Variants in SACS observed in about 807,000 individuals in gnomAD.
The protein encoded by SACS is sacsin molecular chaperone.
In SACS, 197 loss-of-function variants were observed where a neutral mutation model predicts 348.0. That is an observed-to-expected ratio of 0.57 (90% confidence interval 0.50 to 0.64). SACS has a LOEUF of 0.64. SACS is among the 30% of genes least tolerant of loss of function. SACS has a pLI of 0.00. For missense variants in SACS, 4,999 were observed against 5,360.8 expected, an observed-to-expected ratio of 0.93 and a Z score of 2.11; for synonymous variants, 1,985 against 1,910.6, an observed-to-expected ratio of 1.04 and a Z score of -1.02.
chr13:23,335,775 G>A lies in SACS; in HGVS notation c.8101C>T (p.Pro2701Ser). 6.2e-7 allele frequency: 1 copy of A among 1,614,010 alleles called. No individual in the cohort carries two copies. The highest frequency in any genetic ancestry group is 8.5e-7 in the Non-Finnish European group (1 of 1,179,914). The change falls in exon 10 of 10, where the codon CCT becomes TCT. Residue 2701 changes from proline (P) to serine (S), a missense_variant. Pro to Ser is a moderately conservative substitution (Grantham distance 74). Coordinates refer to ENST00000382292, the MANE Select transcript of SACS (RefSeq NM_014363.6). The surrounding 1 kb of genome is among the most constrained non-coding windows in gnomAD (Gnocchi z 4.7). ...TTTGCCATTTCTGCATTACGAAGAG[G>A]AAATCTGAACATTGTGCAATTATCC... ...KLDNCTMFRF[P>S]LRNAEMAKVS...
At chr13:23,433,130 G>T (rs1215355610) in intron 1 of SACS, among the ~76,000 whole-genome samples, 3 of 152,126 alleles carry the variant, frequency 2.0e-5, no homozygotes, top group Non-Finnish European at 4.4e-5. Flanking sequence ...TGTTTAAAGT[G>T]AGAGCAATTC....
chr13:23,368,914 T>C (rs940580808), intron 4 of SACS, among the ~76,000 whole-genome samples: 2 of 152,134 alleles, frequency 1.3e-5, no homozygotes, highest in African/African-American at 4.8e-5. Flanking sequence ...TTAGCCAGGA[T>C]GGTCTTGATC....
chr13:23,418,440 T>C (rs960537341), intron 1 of SACS, among the ~76,000 whole-genome samples: 36 of 152,330 alleles, frequency 2.4e-4, no homozygotes, highest in African/African-American at 8.7e-4. Flanking sequence ...TAGACATATA[T>C]GTTTGTTTCC....
In SACS at chr13:23,337,366, T is replaced by G; in HGVS notation, c.6510A>C (p.Val2170=). ...CATGATCACTTTTATTAATTTCAGCTACTGACACTGCACGTTCTAGCATAT... is the reference window on the plus strand; with the variant it reads ...CATGATCACTTTTATTAATTTCAGCGACTGACACTGCACGTTCTAGCATAT... ...WDDMLERAVS[V]AEINKSDHVA... is the part of the protein sequence containing the mutation. The change falls in exon 10 of 10, where the codon GTA becomes GTC. Residue 2170 remains valine (V), a synonymous_variant. Coordinates refer to ENST00000382292, the MANE Select transcript of SACS (RefSeq NM_014363.6). 6.2e-7 allele frequency: 1 copy of G among 1,614,004 alleles called. No homozygotes were observed. The highest frequency in any genetic ancestry group is 8.5e-7 in the Non-Finnish European group (1 of 1,179,920).
At chr13:23,345,944 C>T (rs1279239042) in intron 9 of SACS, among the ~76,000 whole-genome samples, 1 of 152,062 alleles carries the variant, frequency 6.6e-6, no homozygotes, top group Non-Finnish European at 1.5e-5. Context: ...ACACACGAGG[C>T]ACTGTAAGAA....
rs1201743952 is a variant in SACS, at chr13:23,329,213, T to TA, written c.*922dup. On this transcript the variant is annotated 3_prime_UTR_variant, in exon 10 of 10. Coordinates refer to ENST00000382292, the MANE Select transcript of SACS (RefSeq NM_014363.6). ...TAACAATTTTTGATGTTTTTAAAGT[T>TA]AAAAAAACTCCACTACATGCCATAT... The TA allele has an allele frequency of 2.2e-5, 10 of 461,602 alleles. No homozygotes were observed. Among genetic ancestry groups the TA allele is most frequent in the South Asian group, 4.8e-5 (1 of 20,882 alleles). 28.6% of individuals were successfully genotyped at this position (461,602 alleles called of 1,614,324 possible).
chr13:23,398,470 G>C lies in SACS; in HGVS notation c.20+12750C>G, dbSNP rs559713448. Reference sequence around the variant, plus strand: ...AATTGCTTGAACCAAGGAGGCAAAGGTTGCAGTGAGCCGAGATGGCACCAT... The same window carrying C: ...AATTGCTTGAACCAAGGAGGCAAAGCTTGCAGTGAGCCGAGATGGCACCAT... On this transcript the variant is annotated intron_variant, in intron 2 of 9. Transcript: ENST00000382292. 5.8e-4 allele frequency among the ~76,000 whole-genome samples: 86 copies of C among 148,314 alleles called. No homozygotes were observed. The Middle Eastern group carries it at 0.011, about 19-fold the overall frequency.
chr13:23,336,822 C>T lies in SACS; in HGVS notation c.7054G>A (p.Ala2352Thr). 1.2e-6 allele frequency: 2 copies of T among 1,613,646 alleles called. No homozygotes were observed. Among genetic ancestry groups the T allele is most frequent in the Non-Finnish European group, 1.7e-6 (2 of 1,179,628 alleles). Residue 2352 changes from alanine to threonine, a missense_variant, in exon 10 of 10, where the codon GCA (alanine) becomes ACA (threonine). Around this residue, in one of 6 missense-constraint regions of SACS, gnomAD observed 3,156 missense variants for 3,380.1 expected, o/e 0.93. Coordinates refer to ENST00000382292, the MANE Select transcript of SACS (RefSeq NM_014363.6). ...GAAACCTTTTCTGAGTCAACATATGCATTCTCAACTAGAATGAAGCTAAAG... is the reference window on the plus strand; with the variant it reads ...GAAACCTTTTCTGAGTCAACATATGTATTCTCAACTAGAATGAAGCTAAAG... Reference protein sequence around the residue: ...KPFSFILVENAYVDSEKVSFH... With the variant: ...KPFSFILVENTYVDSEKVSFH...
intron 1 of SACS, among the ~76,000 whole-genome samples, chr13:23,429,526 C>T (rs577757808): frequency 6.6e-6 from 1 of 151,996 alleles, no homozygotes; most frequent in South Asian, 2.1e-4. Context: ...CCATGCCCGG[C>T]TAATTTTTTT....
intron 1 of SACS, among the ~76,000 whole-genome samples, chr13:23,420,799 G>A (rs1017443214): frequency 1.3e-5 from 2 of 151,928 alleles, no homozygotes; most frequent in Non-Finnish European, 2.9e-5. Flanking sequence ...TCCACCTGGG[G>A]AGTGGTGTCC....
At chr13:23,424,252 A>T (rs921040496) in intron 1 of SACS, among the ~76,000 whole-genome samples, 6 of 152,224 alleles carry the variant, frequency 3.9e-5, no homozygotes, top group Non-Finnish European at 8.8e-5. Context: ...CAGGCCGGGC[A>T]TGGTGGCTCA....
intron 2 of SACS, chr13:23,375,655 GCCAGGCCCCGCCCCCAGGGAACGCCCAT>G (rs1391157246): frequency 2.7e-5 from 17 of 628,658 alleles, no homozygotes; most frequent in African/African-American, 3.9e-5. Context: ...CGCCCCTCCC[GCCAGGCCCCGCCCCCAGGGAACGCCCAT>G]CCAGGCCCCG....
chr13:23,423,946 G>A (rs1055030541), intron 1 of SACS, among the ~76,000 whole-genome samples: 2 of 152,034 alleles, frequency 1.3e-5, no homozygotes, highest in Non-Finnish European at 2.9e-5. Flanking sequence ...ATGAATATAC[G>A]AGTATCCATC....
chr13:23,390,962 G>T (rs1872508004), intron 2 of SACS, among the ~76,000 whole-genome samples: 1 of 152,166 alleles, frequency 6.6e-6, no homozygotes. Context: ...GCTTCTCCAG[G>T]TGACCACCAT....
intron 1 of SACS, among the ~76,000 whole-genome samples, chr13:23,429,523 C>T (rs1874346770): frequency 6.6e-6 from 1 of 151,820 alleles, no homozygotes; most frequent in Non-Finnish European, 1.5e-5. Flanking sequence ...CCACCATGCC[C>T]GGCTAATTTT....
chr13:23,402,894 A>C (rs1873039835), intron 2 of SACS, among the ~76,000 whole-genome samples: 2 of 152,152 alleles, frequency 1.3e-5, no homozygotes, highest in Non-Finnish European at 2.9e-5. Context: ...AAGTTTAATC[A>C]GGGCCGGGCA....
At chr13:23,353,726 T>C in intron 9 of SACS, 59 bp downstream of exon 9, 1 of 988,820 alleles carries the variant, frequency 1.0e-6, no homozygotes, top group Admixed American at 2.2e-5. Flanking sequence ...ACAGAAAACT[T>C]TTAAAAAACT....
Position 23,337,799 on chromosome 13 carries a change from G to A in SACS, c.6077C>T (p.Ala2026Val). ...TTTTACCGAAGAAGGAAGTTCAACA[G>A]CACAAAGGTTTTTGGACCCAGTCTT... is the stretch of plus-strand genomic sequence containing the variant. ...LKKTGSKNLC[A>V]VELPSSVKLG... Residue 2026 changes from alanine to valine, a missense_variant, in exon 10 of 10, where the codon GCT becomes GTT. This residue lies in a region of SACS where 3,156 missense variants were observed against 3,380.1 expected (regional missense o/e 0.93). Coordinates refer to ENST00000382292, the MANE Select transcript of SACS (RefSeq NM_014363.6). 1.2e-6 allele frequency: 2 copies of A among 1,613,900 alleles called. No homozygotes were observed. The highest frequency in any genetic ancestry group is 1.7e-6 in the Non-Finnish European group (2 of 1,179,940).
chr13:23,430,412 A>G (rs1214558233), intron 1 of SACS, among the ~76,000 whole-genome samples: 1 of 152,190 alleles, frequency 6.6e-6, no homozygotes, highest in Non-Finnish European at 1.5e-5. Context: ...AAATATAAAC[A>G]TATACACCTT....
Sources: gnomAD v4.1 joint callset for allele counts (sites outside exome capture counted in the v4.1 genomes callset) on GRCh38, gnomAD v4.1.1 for gene constraint, gnomAD v4.1.1 regional missense constraint, Gnocchi (gnomAD v3.1) non-coding constraint, MANE v1.5 for transcripts, NCBI Gene and HGNC (gene_info 2026-07-23, HGNC 2026-07-21) for gene names.